The following AHR variants were observed in gnomAD, a reference collection of about 807,000 sequenced individuals.
The protein encoded by AHR is AH-receptor.
A neutral mutation model predicts 86.8 loss-of-function variants in AHR; 40 were observed. That is an observed-to-expected ratio of 0.46 (90% CI 0.36 to 0.60). The LOEUF (loss-of-function observed/expected upper bound fraction) is 0.60, where lower values mean the gene tolerates loss of function less well. Among genes scored for constraint, AHR ranks in the 20% least tolerant of loss-of-function variants. AHR has a pLI of 0.00. For synonymous variants in AHR, 398 were observed against 354.9 expected, an observed-to-expected ratio of 1.12 and a Z score of -1.37; for missense variants, 1,001 against 1,011.6, an observed-to-expected ratio of 0.99 and a Z score of 0.14.
intron 4 of AHR, 131 bp from the exon 5 acceptor site, chr7:17,329,821 T>C: frequency 1.3e-6 from 1 of 789,706 alleles, no homozygotes; most frequent in Non-Finnish European, 1.9e-6. Context: ...GACTAGGGAA[T>C]TTTAGGAATC....
intron 10 of AHR, among the ~76,000 whole-genome samples, chr7:17,342,597 A>T (rs1782437777): frequency 6.6e-6 from 1 of 152,252 alleles, no homozygotes; most frequent in East Asian, 1.9e-4. Flanking sequence ...TTTAACTGTA[A>T]TTTGTGACTT....
chr7:17,326,366 G>A (rs1277272824), intron 3 of AHR, among the ~76,000 whole-genome samples: 1 of 152,172 alleles, frequency 6.6e-6, no homozygotes, highest in Non-Finnish European at 1.5e-5. Context: ...TGATAATGAA[G>A]ATATCGACTG....
At chr7:17,300,613 G>A (rs955404376) in intron 1 of AHR, among the ~76,000 whole-genome samples, 12 of 152,154 alleles carry the variant, frequency 7.9e-5, no homozygotes, top group African/African-American at 2.9e-4. Flanking sequence ...ATGGTACAGT[G>A]TGTCTTAAGG....
At position 17,322,580 on chromosome 7, in the gene AHR, C is replaced by A; in HGVS notation, c.333C>A (p.Asn111Lys). ...CRAANFREGL[N>K]LQEGEFLLQA... ...CAGCAAATTTCAGAGAAGGCCTGAA[C>A]TTACAAGAAGGAGAATTCTTATTAC... The change falls in exon 3 of 11, where the codon AAC becomes AAA. Residue 111 changes from asparagine to lysine, a missense_variant. Asn to Lys is a moderately conservative substitution (Grantham distance 94). Coordinates refer to ENST00000242057, the MANE Select transcript of AHR (RefSeq NM_001621.5). 1.2e-6 allele frequency: 2 copies of A among 1,611,612 alleles called. No homozygotes were observed. The highest frequency in any genetic ancestry group is 1.7e-5 in the Admixed American group (1 of 59,934).
At chr7:17,323,909 C>T (rs1441458631) in intron 3 of AHR, among the ~76,000 whole-genome samples, 1 of 152,228 alleles carries the variant, frequency 6.6e-6, no homozygotes, top group Middle Eastern at 3.4e-3. Context: ...TTAAACACAC[C>T]TCTTGGGTTT....
intron 2 of AHR, among the ~76,000 whole-genome samples, chr7:17,315,567 T>G (rs1056366119): frequency 1.3e-5 from 2 of 151,954 alleles, no homozygotes; most frequent in African/African-American, 4.8e-5. Context: ...TTTTTTCTTT[T>G]TAGGGAGACT....
At position 17,299,008 on chromosome 7, in the gene AHR, G is replaced by A. The variant is rs554143281; in HGVS notation, c.-257G>A. 1.9e-3 allele frequency: 888 copies of A among 461,222 alleles called. 3 individuals carry two copies. Among genetic ancestry groups the A allele is most frequent in the Admixed American group, 3.5e-3 (80 of 22,948 alleles). 28.6% of individuals were successfully genotyped at this position (461,222 alleles called of 1,614,324 possible). On this transcript the variant is annotated 5_prime_UTR_variant, in exon 1 of 11. Transcript: ENST00000242057. ...AGACGGCACCTGCGCCGCCTTGCTCGCGGGTCTCCGCCCCTCGCCCACCCT... is the reference window on the plus strand; with the variant it reads ...AGACGGCACCTGCGCCGCCTTGCTCACGGGTCTCCGCCCCTCGCCCACCCT...
At chr7:17,318,859 A>G (rs551675699) in intron 2 of AHR, among the ~76,000 whole-genome samples, 3 of 152,260 alleles carry the variant, frequency 2.0e-5, no homozygotes, top group Non-Finnish European at 2.9e-5. Flanking sequence ...AGGCCAGAGA[A>G]AAGAAAATGT....
intron 1 of AHR, among the ~76,000 whole-genome samples, chr7:17,299,684 C>T (rs1423782563): frequency 6.6e-6 from 1 of 152,206 alleles, no homozygotes; most frequent in East Asian, 1.9e-4. Context: ...CTTGAAATCT[C>T]CTTCCACTTT....
At chr7:17,312,326 T>C (rs977152449) in intron 2 of AHR, among the ~76,000 whole-genome samples, 2 of 152,208 alleles carry the variant, frequency 1.3e-5, no homozygotes, top group African/African-American at 4.8e-5. Context: ...CCATTTCTTG[T>C]TCCTTTGTAA....
At chr7:17,299,906 A>G (rs1216688004) in intron 1 of AHR, among the ~76,000 whole-genome samples, 2 of 152,328 alleles carry the variant, frequency 1.3e-5, no homozygotes, top group East Asian at 3.9e-4. Flanking sequence ...CATCGTGACC[A>G]TATCGGTAAA....
intron 10 of AHR, among the ~76,000 whole-genome samples, chr7:17,342,544 A>C (rs1782437068): frequency 6.6e-6 from 1 of 152,110 alleles, no homozygotes; most frequent in Non-Finnish European, 1.5e-5. Flanking sequence ...GATACCTATA[A>C]CTTCAAACCT....
At chr7:17,321,096 T>C (rs1011268368) in intron 2 of AHR, among the ~76,000 whole-genome samples, 19 of 152,064 alleles carry the variant, frequency 1.2e-4, no homozygotes, top group African/African-American at 4.6e-4. Context: ...CACATAAAAA[T>C]ATAGTGAGAT....
intron 2 of AHR, among the ~76,000 whole-genome samples, chr7:17,315,511 T>C (rs188957019): frequency 3.3e-5 from 5 of 152,154 alleles, no homozygotes; most frequent in African/African-American, 4.8e-5. Flanking sequence ...TGCATGGTTC[T>C]AGAATCCTTG....
chr7:17,322,151 A>G (rs1782181155), intron 2 of AHR, among the ~76,000 whole-genome samples: 1 of 151,978 alleles, frequency 6.6e-6, no homozygotes, highest in African/African-American at 2.4e-5. Flanking sequence ...CTAAGAAAGG[A>G]GGTAGGAGTG....
intron 2 of AHR, among the ~76,000 whole-genome samples, chr7:17,311,954 G>A (rs549287853): frequency 6.6e-6 from 1 of 152,288 alleles, no homozygotes; most frequent in South Asian, 2.1e-4. Flanking sequence ...TAAAAGTGTA[G>A]TATCCAGACA....
intron 1 of AHR, among the ~76,000 whole-genome samples, chr7:17,305,951 A>G (rs1486900468): frequency 6.6e-6 from 1 of 152,188 alleles, no homozygotes; most frequent in Non-Finnish European, 1.5e-5. Flanking sequence ...GCTTCTAAAC[A>G]GAAGCATGGC....
In AHR at chr7:17,299,191, T is replaced by A; in HGVS notation, c.-74T>A. On this transcript the variant is annotated 5_prime_UTR_variant, in exon 1 of 11. Coordinates refer to ENST00000242057, the MANE Select transcript of AHR (RefSeq NM_001621.5). ...AACCCGGCGCCGGCCGCCGCAGTGG[T>A]CCCAGCCTACACCGGGTTCCGGGGA... 1 of 1,533,364 alleles carries A rather than the reference T, an allele frequency of 6.5e-7. No individual in the cohort carries two copies. The highest frequency in any genetic ancestry group is 2.5e-5 in the East Asian group (1 of 40,142). 95.0% of individuals were successfully genotyped at this position (1,533,364 alleles called of 1,614,324 possible).
intron 10 of AHR, among the ~76,000 whole-genome samples, chr7:17,341,449 A>G (rs1334995693): frequency 1.3e-5 from 2 of 152,190 alleles, no homozygotes; most frequent in African/African-American, 2.4e-5. Context: ...TGAGTACCAC[A>G]TAAGTTCTTT....
Sources: gnomAD v4.1 joint callset for allele counts (sites outside exome capture counted in the v4.1 genomes callset) on GRCh38, gnomAD v4.1.1 for gene constraint, MANE v1.5 for transcripts, NCBI Gene and HGNC (gene_info 2026-07-23, HGNC 2026-07-21) for gene names.